The following BAIAP2 variants were observed in gnomAD, a reference collection of about 807,000 sequenced individuals.
BAIAP2 encodes the protein BAR/IMD domain containing adaptor protein 2.
Under a neutral mutation model 63.0 loss-of-function variants are expected in BAIAP2, and 18 were observed. That is an observed-to-expected ratio of 0.29 (90% CI 0.20 to 0.42). The LOEUF is 0.42. Among genes scored for constraint, BAIAP2 ranks in the 10% least tolerant of loss-of-function variants. The pLI is 1.00. For missense variants in BAIAP2, 610 were observed against 734.3 expected (o/e 0.83, Z 1.96); for synonymous variants, 386 against 307.6 (o/e 1.25, Z -2.67).
chr17:81,057,339 A>G (rs1318855158), intron 2 of BAIAP2: 1 of 152,430 alleles, frequency 6.6e-6, no homozygotes, highest in African/African-American at 2.4e-5. Context: ...TGCCTCTGAG[A>G]TGCTGGGAGG....
At chr17:81,094,156 C>T (rs1284727835) in intron 6 of BAIAP2, among the ~76,000 whole-genome samples, 1 of 152,200 alleles carries the variant, frequency 6.6e-6, no homozygotes, top group Admixed American at 6.5e-5. Flanking sequence ...GGCTGGGCCA[C>T]TCGAACATCT....
intron 3 of BAIAP2, among the ~76,000 whole-genome samples, chr17:81,062,055 G>T (rs2050648139): frequency 6.6e-6 from 1 of 152,058 alleles, no homozygotes; most frequent in Non-Finnish European, 1.5e-5. Context: ...CGAGTCTCCT[G>T]CCTCAGCCTC....
chr17:81,042,388 T>G (rs2047207547), intron 1 of BAIAP2, among the ~76,000 whole-genome samples: 1 of 151,908 alleles, frequency 6.6e-6, no homozygotes, highest in South Asian at 2.1e-4. Context: ...ACTCCTAGGC[T>G]CAAGCAGTCC....
In BAIAP2 at chr17:81,117,225, G is replaced by A. The variant is rs1480115190; in HGVS notation, c.*1386G>A. Reference sequence around the variant, plus strand: ...CCTGGCCCCAGGAAGGGCTGGCATCGGGTTCCTGGCACAGCCCCTCCTGTC... The same window carrying A: ...CCTGGCCCCAGGAAGGGCTGGCATCAGGTTCCTGGCACAGCCCCTCCTGTC... On this transcript the variant is annotated 3_prime_UTR_variant, in exon 14 of 14. Coordinates refer to ENST00000428708, the MANE Select transcript of BAIAP2 (RefSeq NM_001144888.2). 2.0e-5 allele frequency: 3 copies of A among 152,180 alleles called. No individual in the cohort carries two copies. Among genetic ancestry groups the A allele is most frequent in the African/African-American group, 4.8e-5 (2 of 41,440 alleles). 9.4% of individuals were successfully genotyped at this position (152,180 alleles called of 1,614,324 possible).
chr17:81,065,321 G>C (rs78581046), intron 3 of BAIAP2, among the ~76,000 whole-genome samples: 11,105 of 152,278 alleles, frequency 0.073, 546 homozygotes, highest in East Asian at 0.24. Flanking sequence ...CCCTGCAGGG[G>C]TCCAGGGTCC....
At position 81,104,568 on chromosome 17, in the gene BAIAP2, A is replaced by G. The variant is rs370295048; in HGVS notation, c.1121A>G (p.Asn374Ser). The part of the protein sequence containing the change: ...SSSMAAGLER[N>S]GRMRVKAIFS... Reference sequence around the variant, plus strand: ...TCCATGGCAGCCGGCCTGGAGCGCAATGGCCGTATGCGGGTGAAGGCCATC... The same window carrying G: ...TCCATGGCAGCCGGCCTGGAGCGCAGTGGCCGTATGCGGGTGAAGGCCATC... The change falls in exon 10 of 14, where the codon AAT becomes AGT. Residue 374 changes from asparagine (N) to serine (S), a missense_variant. Physicochemically the swap from Asn to Ser is conservative, Grantham distance 46. Around this residue, in one of 5 missense-constraint regions of BAIAP2, gnomAD observed 67 missense variants for 132.0 expected, o/e 0.51. Coordinates refer to ENST00000428708, the MANE Select transcript of BAIAP2 (RefSeq NM_001144888.2). The G allele has an allele frequency of 3.1e-6, 5 of 1,611,622 alleles. No homozygotes were observed. Among genetic ancestry groups the G allele is most frequent in the African/African-American group, 2.7e-5 (2 of 74,918 alleles).
intron 6 of BAIAP2, among the ~76,000 whole-genome samples, chr17:81,099,463 G>T (rs2058194747): frequency 6.6e-6 from 1 of 152,176 alleles, no homozygotes; most frequent in African/African-American, 2.4e-5. Flanking sequence ...AGATGGAGGG[G>T]CCCTGGAGGC....
intron 1 of BAIAP2, among the ~76,000 whole-genome samples, chr17:81,041,310 C>T (rs746898057): frequency 1.3e-5 from 2 of 152,170 alleles, no homozygotes; most frequent in Non-Finnish European, 2.9e-5. Flanking sequence ...TGGGGCCTGT[C>T]CCAGGTCAGG....
chr17:81,093,615 C>G (rs1475989376), intron 6 of BAIAP2, among the ~76,000 whole-genome samples: 1 of 152,082 alleles, frequency 6.6e-6, no homozygotes, highest in African/African-American at 2.4e-5. Flanking sequence ...GGAAGCGGCA[C>G]TGGTGCTCTG....
intron 3 of BAIAP2, among the ~76,000 whole-genome samples, chr17:81,062,425 C>T (rs989950536): frequency 2.0e-5 from 3 of 151,992 alleles, no homozygotes; most frequent in South Asian, 4.1e-4. Flanking sequence ...AATGGTCTCG[C>T]GTCTTGGTTC....
intron 7 of BAIAP2, among the ~76,000 whole-genome samples, chr17:81,100,601 ACCACTGTG>A (rs905776990): frequency 2.4e-4 from 37 of 152,166 alleles, no homozygotes; most frequent in African/African-American, 8.4e-4. Flanking sequence ...GCCACCCAAG[ACCACTGTG>A]CCACTGGGCC....
intron 1 of BAIAP2, chr17:81,053,301 TC>T (rs760194751): frequency 2.0e-5 from 5 of 245,680 alleles, no homozygotes; most frequent in Non-Finnish European, 4.0e-5. Context: ...GGGGGGCCCT[TC>T]TGGGCTGACT....
Position 81,103,565 on chromosome 17 carries a change from A to C in BAIAP2, c.706A>C (p.Ile236Leu), listed in dbSNP as rs1183638797. ...WQQACADPSK[I>L]PERAVQLMQQ... Reference sequence around the variant, plus strand: ...ACAGGCCTGTGCCGACCCCAGCAAGATCCCGGAGCGCGCGGTGCAGCTCAT... The same window carrying C: ...ACAGGCCTGTGCCGACCCCAGCAAGCTCCCGGAGCGCGCGGTGCAGCTCAT... The change falls in exon 8 of 14, where the codon ATC becomes CTC. Residue 236 changes from isoleucine (I) to leucine (L), a missense_variant. Ile to Leu is a conservative substitution (Grantham distance 5). Coordinates refer to ENST00000428708, the MANE Select transcript of BAIAP2 (RefSeq NM_001144888.2). 1.2e-6 allele frequency: 2 copies of C among 1,601,404 alleles called. No homozygotes were observed. Among genetic ancestry groups the C allele is most frequent in the Non-Finnish European group, 1.7e-6 (2 of 1,178,920 alleles).
intron 3 of BAIAP2, among the ~76,000 whole-genome samples, chr17:81,062,469 C>T (rs1254715661): frequency 1.3e-5 from 2 of 152,136 alleles, no homozygotes; most frequent in African/African-American, 4.8e-5. Context: ...CGAATTTCTC[C>T]CCACAGCCTC....
intron 2 of BAIAP2, chr17:81,057,591 G>A (rs116788302): frequency 0.017 from 18,825 of 1,116,664 alleles, 239 homozygotes; most frequent in South Asian, 0.062. Flanking sequence ...CTGCCTGGTA[G>A]CACGTGATAG....
At chr17:81,081,629 C>G (rs1382847474) in intron 3 of BAIAP2, among the ~76,000 whole-genome samples, 1 of 152,216 alleles carries the variant, frequency 6.6e-6, no homozygotes, top group African/African-American at 2.4e-5. Context: ...TCCTTGATCC[C>G]TTCCCTGCAC....
chr17:81,093,747 G>A (rs2057188637), intron 6 of BAIAP2, among the ~76,000 whole-genome samples: 1 of 152,172 alleles, frequency 6.6e-6, no homozygotes, highest in Non-Finnish European at 1.5e-5. Flanking sequence ...AAAGGGGAGA[G>A]ATGCGTGCTA....
At position 81,048,036 on chromosome 17, in the gene BAIAP2, G is replaced by T. The variant is rs370481480; in HGVS notation, c.55-5632G>T. Among the ~76,000 whole-genome samples, 241 of 152,360 alleles carry T rather than the reference G, an allele frequency of 1.6e-3. 1 individual carries two copies. The highest frequency in any genetic ancestry group is 5.3e-3 in the African/African-American group (222 of 41,586). On this transcript the variant is annotated intron_variant, in intron 1 of 13. Transcript: ENST00000428708. ...GACTGCTTTTGTTTGTGGCCATCCT[G>T]CCAGGAAAGCGCTGGAGAGGCGGCC... is the stretch of plus-strand genomic sequence containing the variant.
At chr17:81,069,907 G>A (rs2052267151) in intron 3 of BAIAP2, among the ~76,000 whole-genome samples, 1 of 152,210 alleles carries the variant, frequency 6.6e-6, no homozygotes, top group Non-Finnish European at 1.5e-5. Context: ...TGCACTTGTT[G>A]TACCCAGGAA....
Sources: gnomAD v4.1 joint callset for allele counts (sites outside exome capture counted in the v4.1 genomes callset) on GRCh38, gnomAD v4.1.1 for gene constraint, gnomAD v4.1.1 regional missense constraint, MANE v1.5 for transcripts, NCBI Gene and HGNC (gene_info 2026-07-23, HGNC 2026-07-21) for gene names.